TMEM185A: variants seen among roughly 807,000 people sequenced by gnomAD.
TMEM185A encodes the protein family with sequence similarity 11, member A.
TMEM185A carries 9 observed loss-of-function variants against 25.0 expected under a neutral mutation model. The ratio of observed to expected loss-of-function variants is 0.36; its 90% CI spans 0.22 to 0.63. The LOEUF (loss-of-function observed/expected upper bound fraction) is 0.63. TMEM185A is among the 20% of genes least tolerant of loss of function. TMEM185A has a pLI of 0.68. For synonymous variants in TMEM185A, 45 were observed against 93.5 expected (o/e 0.48, Z 2.99); for missense variants, 103 against 237.4 (o/e 0.43, Z 3.72).
chrX:149,627,196 G>A (rs1460317872), intron 1 of TMEM185A, among the ~76,000 whole-genome samples: 1 of 112,739 alleles, frequency 8.9e-6, no homozygotes, highest in African/African-American at 3.2e-5. Flanking sequence ...TTCTTGGGCA[G>A]ATGTCCCTGC....
At chrX:149,617,394 A>C (rs3963971) in intron 1 of TMEM185A, among the ~76,000 whole-genome samples, 1,398 of 111,998 alleles carry the variant, frequency 0.012, 21 homozygotes, top group African/African-American at 0.043. Flanking sequence ...ACAACTAAAA[A>C]AATAAGTGAA....
intron 2 of TMEM185A, among the ~76,000 whole-genome samples, chrX:149,609,110 C>T: frequency 8.9e-6 from 1 of 112,278 alleles, no homozygotes; most frequent in Non-Finnish European, 1.9e-5. Flanking sequence ...AAGTAATAGC[C>T]AGTTCTTATT....
At chrX:149,612,668 T>TCTCTACTCA (rs2064523672) in intron 1 of TMEM185A, among the ~76,000 whole-genome samples, 2 of 112,211 alleles carry the variant, frequency 1.8e-5, no homozygotes, top group Non-Finnish European at 3.8e-5. Context: ...CGGGCTTGGT[T>TCTCTACTCA]GGTTTCTCTA....
Position 149,603,658 on chromosome X carries a change from C to G in TMEM185A, c.507+329G>C, listed in dbSNP as rs1557352801. On this transcript the variant is annotated intron_variant, in intron 4 of 6. Coordinates refer to ENST00000600449, the MANE Select transcript of TMEM185A (RefSeq NM_032508.4). ...CATATTTTAGAAATAAGAGGATGGT[C>G]TGATACATGCACTTGAAGAATATTT... is the stretch of plus-strand genomic sequence containing the variant. The G allele has an allele frequency of 1.9e-5, 3 of 161,289 alleles. No homozygotes were observed. In the East Asian group the frequency reaches 4.1e-4, roughly 22 times the overall value. 13.3% of individuals were successfully genotyped at this position (161,289 alleles called of 1,213,427 possible). A position where few individuals can be genotyped will look rare whatever the true frequency, so the allele number is the denominator to read the frequency against.
intron 1 of TMEM185A, among the ~76,000 whole-genome samples, chrX:149,626,844 T>G (rs945323839): frequency 4.5e-5 from 5 of 112,354 alleles, no homozygotes; most frequent in Non-Finnish European, 9.4e-5. Flanking sequence ...AGGCTAGATT[T>G]ATGTTTCTCT....
At chrX:149,598,750 G>A (rs1466347477) in intron 6 of TMEM185A, among the ~76,000 whole-genome samples, 1 of 81,055 alleles carries the variant, frequency 1.2e-5, no homozygotes, top group East Asian at 3.7e-4. Context: ...TCTGGAATCC[G>A]TGAGGGCGGT....
At position 149,604,042 on chromosome X, in the gene TMEM185A, A is replaced by T; in HGVS notation, c.452T>A (p.Leu151His). ...ELEILCSVNI[L>H]QFIFIALRLD... ...TCTTAAGGCAATGAATATAAACTGG[A>T]GAATGTTGACAGAACACAGGATTTC... Residue 151 changes from leucine to histidine, a missense_variant, in exon 4 of 7, where the codon CTC becomes CAC. This residue lies in a region of TMEM185A where 102 missense variants were observed against 125.7 expected (regional missense o/e 0.81). Coordinates refer to ENST00000600449, the MANE Select transcript of TMEM185A (RefSeq NM_032508.4). 1 of 1,206,570 alleles carries T rather than the reference A, an allele frequency of 8.3e-7. No homozygotes were observed. Among genetic ancestry groups the T allele is most frequent in the Non-Finnish European group, 1.1e-6 (1 of 890,938 alleles).
rs1303433480 is a variant in TMEM185A at position 149,597,221 on chromosome X, G to A, written c.*790C>T. Reference sequence around the variant, plus strand: ...GTCCCATGAAGGCGTGGCACCCCACGGGGGGGGGGGGAGTGTGCCACGGGC... The same window carrying A: ...GTCCCATGAAGGCGTGGCACCCCACAGGGGGGGGGGGAGTGTGCCACGGGC... On this transcript the variant is annotated 3_prime_UTR_variant, in exon 7 of 7. Coordinates refer to ENST00000600449, the MANE Select transcript of TMEM185A (RefSeq NM_032508.4). 1 of 21,629 alleles carries A rather than the reference G, an allele frequency of 4.6e-5. No homozygotes were observed. Among genetic ancestry groups the A allele is most frequent in the Non-Finnish European group, 1.2e-4 (1 of 8,596 alleles). The allele number at this position is 21,629 out of a possible 1,213,427, so 1.8% of individuals were successfully genotyped here.
At position 149,631,532 on chromosome X, in the gene TMEM185A, C is replaced by T. The variant is rs1557356647; in HGVS notation, c.38+11G>A. The T allele has an allele frequency of 8.6e-7, 1 of 1,163,857 alleles. No individual in the cohort carries two copies. The highest frequency in any genetic ancestry group is 3.3e-5 in the East Asian group (1 of 30,342). ...CGCGGACTCCCGGGGGCGCCAACGA[C>T]GCCGCCTCACCTCGGGTTGAAGTCC... On this transcript the variant is annotated intron_variant, in intron 1 of 6. Transcript: ENST00000600449.
At chrX:149,629,399 C>T (rs782003164) in intron 1 of TMEM185A, among the ~76,000 whole-genome samples, 4 of 111,483 alleles carry the variant, frequency 3.6e-5, no homozygotes, top group Non-Finnish European at 7.5e-5. Context: ...GAAGGCCTTC[C>T]TCAGCATGGA....
Position 149,631,663 on chromosome X carries a change from G to A in TMEM185A, c.-83C>T. On this transcript the variant is annotated 5_prime_UTR_variant, in exon 1 of 7. Coordinates refer to ENST00000600449, the MANE Select transcript of TMEM185A (RefSeq NM_032508.4). ...GCCTGCGCCTTACAGCGGGTTCATG[G>A]CGCCAGCGCCAGCCGCGTCCACGCT... 1 of 940,931 alleles carries A rather than the reference G, an allele frequency of 1.1e-6. No individual in the cohort carries two copies. The allele number at this position is 940,931 out of a possible 1,213,427, so 77.5% of individuals were successfully genotyped here. A position where few individuals can be genotyped will look rare whatever the true frequency, so the allele number is the denominator to read the frequency against.
Position 149,631,692 on chromosome X carries a change from G to T in TMEM185A, c.-112C>A. ...CAGCGCCAGCCGCGTCCACGCTGCT[G>T]CTCCCGCTACTGCTGCCGTCCCCGC... On this transcript the variant is annotated 5_prime_UTR_variant, in exon 1 of 7. Transcript: ENST00000600449. 1.3e-6 allele frequency: 1 copy of T among 787,926 alleles called. No homozygotes were observed. Among genetic ancestry groups the T allele is most frequent in the Non-Finnish European group, 1.7e-6 (1 of 584,489 alleles). 64.9% of individuals were successfully genotyped at this position (787,926 alleles called of 1,213,427 possible).
chrX:149,607,901 G>A (rs782212731), intron 3 of TMEM185A, among the ~76,000 whole-genome samples: 2 of 111,547 alleles, frequency 1.8e-5, no homozygotes, highest in South Asian at 3.8e-4. Context: ...AGCATGGGTG[G>A]GCCTCATGCA....
intron 3 of TMEM185A, among the ~76,000 whole-genome samples, chrX:149,604,594 C>T (rs2090036146): frequency 9.0e-6 from 1 of 111,065 alleles, no homozygotes; most frequent in Non-Finnish European, 1.9e-5. Context: ...ATGACTCCTT[C>T]TCATTAAAAA....
intron 1 of TMEM185A, among the ~76,000 whole-genome samples, chrX:149,624,188 T>C (rs147631122): frequency 0.013 from 1,412 of 112,216 alleles, 21 homozygotes; most frequent in African/African-American, 0.044. Context: ...ACCTTTAGAA[T>C]GGATTTATTC....
chrX:149,611,219 A>G, intron 2 of TMEM185A, 68 bp downstream of exon 2: 1 of 1,045,945 alleles, frequency 9.6e-7, no homozygotes, highest in African/African-American at 1.9e-5. Flanking sequence ...TACTTCATCA[A>G]AAGTGAGAAA....
rs1204804302 is a variant in TMEM185A at position 149,617,389 on chromosome X, T to TA, written c.39-5927dup. Among the ~76,000 whole-genome samples, 48 of 111,327 alleles carry TA rather than the reference T, an allele frequency of 4.3e-4. No homozygotes were observed. The Middle Eastern group carries it at 0.028, about 65-fold the overall frequency. ...AGTATATAAAAAGGACTTTTACAAC[T>TA]AAAAAAATAAGTGAACAACCCGATT... On this transcript the variant is annotated intron_variant, in intron 1 of 6. Coordinates refer to ENST00000600449, the MANE Select transcript of TMEM185A (RefSeq NM_032508.4).
chrX:149,611,147 GAGATCTGTT>G, intron 2 of TMEM185A, 131 bp downstream of exon 2: 1 of 590,160 alleles, frequency 1.7e-6, no homozygotes, highest in Non-Finnish European at 2.6e-6. Context: ...AAACACAGAA[GAGATCTGTT>G]AGCTTATACT....
intron 1 of TMEM185A, among the ~76,000 whole-genome samples, chrX:149,628,239 C>G (rs918685292): frequency 1.8e-5 from 2 of 111,431 alleles, no homozygotes; most frequent in Non-Finnish European, 3.8e-5. Flanking sequence ...AGCAACTCCC[C>G]CAAAGTAGCA....
Sources: gnomAD v4.1 joint callset for allele counts (sites outside exome capture counted in the v4.1 genomes callset) on GRCh38, gnomAD v4.1.1 for gene constraint, gnomAD v4.1.1 regional missense constraint, MANE v1.5 for transcripts, NCBI Gene and HGNC (gene_info 2026-07-23, HGNC 2026-07-21) for gene names.